ARHGEF12: variants seen among roughly 807,000 people sequenced by gnomAD.
The protein encoded by ARHGEF12 is KMT2A/ARHGEF12 fusion protein.
A neutral mutation model predicts 211.2 loss-of-function variants in ARHGEF12; 66 were observed. That is an observed-to-expected ratio of 0.31 (90% CI 0.26 to 0.38). The LOEUF (loss-of-function observed/expected upper bound fraction) is 0.38. Among genes scored for constraint, ARHGEF12 ranks in the 10% least tolerant of loss-of-function variants. The pLI is 1.00. For synonymous variants in ARHGEF12, 592 were observed against 638.4 expected (o/e 0.93, Z 1.09); for missense variants, 1,429 against 1,869.5 (o/e 0.76, Z 4.34).
chr11:120,387,482 A>G (rs1944074033), intron 1 of ARHGEF12, among the ~76,000 whole-genome samples: 1 of 152,244 alleles, frequency 6.6e-6, no homozygotes, highest in African/African-American at 2.4e-5. Flanking sequence ...GTAACTTCAT[A>G]ATTCTTAACA....
At chr11:120,351,711 T>C (rs1942980076) in intron 1 of ARHGEF12, among the ~76,000 whole-genome samples, 2 of 151,918 alleles carry the variant, frequency 1.3e-5, no homozygotes, top group Admixed American at 1.3e-4. Context: ...CCTCAGATGA[T>C]CTGCCCGCCT....
intron 31 of ARHGEF12, among the ~76,000 whole-genome samples, chr11:120,474,246 T>A (rs989609706): frequency 6.6e-6 from 1 of 152,160 alleles, no homozygotes. Context: ...AAAGGATACG[T>A]TGAGAATCTA....
chr11:120,413,176 A>G (rs576028064), intron 4 of ARHGEF12, among the ~76,000 whole-genome samples: 8 of 152,052 alleles, frequency 5.3e-5, no homozygotes, highest in Non-Finnish European at 7.4e-5. Flanking sequence ...TCAGCGTTTC[A>G]TTTTCCAAAA....
chr11:120,363,172 C>G (rs184876403), intron 1 of ARHGEF12, among the ~76,000 whole-genome samples: 1 of 152,300 alleles, frequency 6.6e-6, no homozygotes, highest in Admixed American at 6.5e-5. Flanking sequence ...TGTACATTTA[C>G]ATAAGTTGAA....
At chr11:120,350,923 A>G (rs1447313860) in intron 1 of ARHGEF12, among the ~76,000 whole-genome samples, 2 of 152,224 alleles carry the variant, frequency 1.3e-5, no homozygotes, top group African/African-American at 2.4e-5. Context: ...TCTTTTGGTC[A>G]GAGAAGGATT....
intron 22 of ARHGEF12, among the ~76,000 whole-genome samples, chr11:120,453,326 G>A (rs1000448574): frequency 8.5e-5 from 13 of 152,094 alleles, no homozygotes; most frequent in Admixed American, 1.3e-4. Flanking sequence ...GGTAGGTGGC[G>A]GATGAACAGA....
At chr11:120,349,439 A>T (rs1213447265) in intron 1 of ARHGEF12, among the ~76,000 whole-genome samples, 2 of 151,918 alleles carry the variant, frequency 1.3e-5, no homozygotes, top group African/African-American at 4.8e-5. Flanking sequence ...GCCCTTAATT[A>T]TGTGTGTGTG....
intron 4 of ARHGEF12, among the ~76,000 whole-genome samples, chr11:120,419,035 A>G (rs1286619146): frequency 6.7e-6 from 1 of 150,096 alleles, no homozygotes; most frequent in Non-Finnish European, 1.5e-5. Flanking sequence ...CCCGCCTCCC[A>G]GGTTGGACCC....
chr11:120,487,245 C>T lies in ARHGEF12; in HGVS notation c.*2168C>T, dbSNP rs775743789. 1 of 218,498 alleles carries T rather than the reference C, an allele frequency of 4.6e-6. No individual in the cohort carries two copies. The highest frequency in any genetic ancestry group is 2.2e-5 in the African/African-American group (1 of 44,506). 13.5% of individuals were successfully genotyped at this position (218,498 alleles called of 1,614,324 possible). A position where few individuals can be genotyped will look rare whatever the true frequency, so the allele number is the denominator to read the frequency against. On this transcript the variant is annotated 3_prime_UTR_variant, in exon 41 of 41. Transcript: ENST00000397843. ...TTCTCTAGTTCAGCCAGTGTCTTGT[C>T]CTTAGTAATTATTTGCTTTCCCTGC...
At chr11:120,351,121 G>A (rs757201071) in intron 1 of ARHGEF12, among the ~76,000 whole-genome samples, 7 of 151,690 alleles carry the variant, frequency 4.6e-5, no homozygotes, top group African/African-American at 1.5e-4. Context: ...AGGCTGAGGC[G>A]GGCGGATCAC....
At position 120,378,720 on chromosome 11, in the gene ARHGEF12, A is replaced by C. The variant is rs539505871; in HGVS notation, c.33-27398A>C. Among the ~76,000 whole-genome samples the C allele has an allele frequency of 3.3e-5, 5 of 152,352 alleles. No homozygotes were observed. The East Asian group carries it at 9.6e-4, about 29-fold the overall frequency. Reference sequence around the variant, plus strand: ...GCATGTTTTCCAGCACCATTTGCAGAAAAGACTGTCCTTTTCCCGTTGAAC... The same window carrying C: ...GCATGTTTTCCAGCACCATTTGCAGCAAAGACTGTCCTTTTCCCGTTGAAC... On this transcript the variant is annotated intron_variant, in intron 1 of 40. Transcript: ENST00000397843.
chr11:120,357,193 A>G (rs1943154248), intron 1 of ARHGEF12, among the ~76,000 whole-genome samples: 1 of 151,938 alleles, frequency 6.6e-6, no homozygotes, highest in African/African-American at 2.4e-5. Context: ...GGGTTTCACC[A>G]TGTTGGCCGT....
In ARHGEF12 at chr11:120,485,157, G is replaced by T; in HGVS notation, c.*80G>T. 1 of 1,569,444 alleles carries T rather than the reference G, an allele frequency of 6.4e-7. No individual in the cohort carries two copies. Among genetic ancestry groups the T allele is most frequent in the Non-Finnish European group, 8.8e-7 (1 of 1,142,010 alleles). On this transcript the variant is annotated 3_prime_UTR_variant, in exon 41 of 41. Coordinates refer to ENST00000397843, the MANE Select transcript of ARHGEF12 (RefSeq NM_015313.3). The stretch of plus-strand genomic sequence containing the variant: ...TCTCACCACATCCTGGCTCCAGTGT[G>T]GATGCAGAGAGAGTGTGACAGAGGA...
chr11:120,440,282 C>A, intron 13 of ARHGEF12, 61 bp downstream of exon 13: 1 of 1,307,438 alleles, frequency 7.6e-7, no homozygotes, highest in East Asian at 2.3e-5. Context: ...TGATTTGTTG[C>A]AAAAATGAGC....
chr11:120,423,493 G>A (rs115214630), intron 6 of ARHGEF12, among the ~76,000 whole-genome samples: 1 of 152,146 alleles, frequency 6.6e-6, no homozygotes, highest in African/African-American at 2.4e-5. Flanking sequence ...ATAAACTGAG[G>A]GACAGAGAAA....
Position 120,457,073 on chromosome 11 carries a change from T to TAA in ARHGEF12, c.2057-45_2057-44insAA, listed in dbSNP as rs753732046. Reference sequence around the variant, plus strand: ...TAATTTTTTTTGGTGACCAGTGACTTTATTAAGTATTAACACTCTTCAAAT... The same window carrying TAA: ...TAATTTTTTTTGGTGACCAGTGACTTAATATTAAGTATTAACACTCTTCAAAT... On this transcript the variant is annotated intron_variant, in intron 22 of 40. Transcript: ENST00000397843. 97 of 1,587,926 alleles carry TAA rather than the reference T, an allele frequency of 6.1e-5. No homozygotes were observed. The Middle Eastern group carries it at 2.0e-3, about 33-fold the overall frequency.
chr11:120,480,717 G>GAAGA (rs199992649), intron 38 of ARHGEF12, among the ~76,000 whole-genome samples: 1 of 139,060 alleles, frequency 7.2e-6, no homozygotes, highest in African/African-American at 2.5e-5. Context: ...TAGACTTCAG[G>GAAGA]AAGTATTAGG....
At chr11:120,478,133 A>C (rs776814494) in intron 36 of ARHGEF12, 23 bp from the exon 37 acceptor site, 1 of 1,533,838 alleles carries the variant, frequency 6.5e-7, no homozygotes, top group Non-Finnish European at 9.0e-7. Context: ...GATATAGTCT[A>C]CCTTTTCTAT....
Position 120,429,698 on chromosome 11 carries a change from T to G in ARHGEF12, c.664-14T>G. 2.5e-6 allele frequency: 4 copies of G among 1,605,142 alleles called. No individual in the cohort carries two copies. The highest frequency in any genetic ancestry group is 3.4e-6 in the Non-Finnish European group (4 of 1,177,110). On this transcript the variant is annotated splice_polypyrimidine_tract_variant and intron_variant, in intron 9 of 40. Transcript: ENST00000397843. ...TAAGTAATTAATTCTGAAAATATTT[T>G]TATAACTTTTCAGTTATTGCAGGAA...
Sources: gnomAD v4.1 joint callset for allele counts (sites outside exome capture counted in the v4.1 genomes callset) on GRCh38, gnomAD v4.1.1 for gene constraint, MANE v1.5 for transcripts, NCBI Gene and HGNC (gene_info 2026-07-23, HGNC 2026-07-21) for gene names.